Variants in ZDHHC21 observed in about 807,000 individuals in gnomAD.
ZDHHC21 encodes zDHHC palmitoyltransferase 21, also known as palmitoyltransferase ZDHHC21.
ZDHHC21 carries 15 observed loss-of-function variants against 34.6 expected under a neutral mutation model. The observed-to-expected ratio is 0.43, with a 90% CI of 0.29 to 0.67. The LOEUF (loss-of-function observed/expected upper bound fraction) is 0.67, where lower values mean the gene tolerates loss of function less well. Ranked by LOEUF, ZDHHC21 falls within the 30% of genes least tolerant of loss-of-function variation. ZDHHC21 has a pLI of 0.14. For missense variants in ZDHHC21, 344 were observed against 327.7 expected (o/e 1.05, Z -0.38); for synonymous variants, 142 against 101.8 (o/e 1.40, Z -2.38).
chr9:14,594,825 TATA>T, the ZDHHC21 span, among the ~76,000 whole-genome samples: 1 of 152,176 alleles, frequency 6.6e-6, no homozygotes, highest in African/African-American at 2.4e-5. Context: ...ACATAATTCT[TATA>T]ATAATAAGTA....
intron 2 of ZDHHC21, among the ~76,000 whole-genome samples, chr9:14,680,461 C>G (rs1483416795): frequency 6.6e-6 from 1 of 152,148 alleles, no homozygotes; most frequent in African/African-American, 2.4e-5. Flanking sequence ...CTTCATCACA[C>G]ACTTCCTTGA....
intron 8 of ZDHHC21, among the ~76,000 whole-genome samples, chr9:14,620,288 G>GT (rs1417690245): frequency 6.6e-6 from 1 of 151,272 alleles, no homozygotes; most frequent in Non-Finnish European, 1.5e-5. Context: ...ACACAAATAT[G>GT]TAAAAAAAAA....
At chr9:14,644,312 G>C (rs541067930) in intron 7 of ZDHHC21, among the ~76,000 whole-genome samples, 6 of 152,098 alleles carry the variant, frequency 3.9e-5, no homozygotes, top group African/African-American at 1.4e-4. Context: ...TCATCTATGT[G>C]TAATGACAGT....
At position 14,618,840 on chromosome 9, in the gene ZDHHC21, A is replaced by G; in HGVS notation, c.*126T>C. Reference sequence around the variant, plus strand: ...TCACTATTAAAATAAAGCCTGGGGCACATTATGATGCCTAAGACTGGTGGG... The same window carrying G: ...TCACTATTAAAATAAAGCCTGGGGCGCATTATGATGCCTAAGACTGGTGGG... On this transcript the variant is annotated 3_prime_UTR_variant, in exon 10 of 10. Coordinates refer to ENST00000380916, the MANE Select transcript of ZDHHC21 (RefSeq NM_178566.6). The G allele has an allele frequency of 9.7e-7, 1 of 1,028,702 alleles. No individual in the cohort carries two copies. 63.7% of individuals were successfully genotyped at this position (1,028,702 alleles called of 1,614,324 possible).
intron 7 of ZDHHC21, among the ~76,000 whole-genome samples, chr9:14,640,433 C>T (rs1426082145): frequency 6.6e-6 from 1 of 151,784 alleles, no homozygotes; most frequent in African/African-American, 2.4e-5. Context: ...TTTGAATACA[C>T]AGCATGATTC....
chr9:14,600,184 G>T, the ZDHHC21 span, among the ~76,000 whole-genome samples: 1 of 152,100 alleles, frequency 6.6e-6, no homozygotes, highest in African/African-American at 2.4e-5. Flanking sequence ...AGAAATAAAG[G>T]GTATTCAAAT....
chr9:14,659,348 T>G (rs1832936462), intron 6 of ZDHHC21, among the ~76,000 whole-genome samples: 1 of 152,320 alleles, frequency 6.6e-6, no homozygotes. Context: ...CATACCACTC[T>G]GACATAACTG....
At chr9:14,648,805 C>A (rs1830706702) in intron 7 of ZDHHC21, among the ~76,000 whole-genome samples, 1 of 151,980 alleles carries the variant, frequency 6.6e-6, no homozygotes, top group Non-Finnish European at 1.5e-5. Context: ...AATAAAAAAA[C>A]TGTGTTTTAC....
chr9:14,634,052 C>A (rs1057354425), intron 8 of ZDHHC21, among the ~76,000 whole-genome samples: 11 of 152,154 alleles, frequency 7.2e-5, no homozygotes, highest in African/African-American at 2.4e-4. Flanking sequence ...ACTCCAGTAC[C>A]CAAGCACACT....
At chr9:14,672,706 A>G (rs1329378430) in intron 5 of ZDHHC21, 124 bp downstream of exon 5, 2 of 632,876 alleles carry the variant, frequency 3.2e-6, no homozygotes, top group Non-Finnish European at 5.1e-6. Context: ...AGACACATAC[A>G]AGCAAAGACA....
intron 7 of ZDHHC21, among the ~76,000 whole-genome samples, chr9:14,644,505 T>TG (rs1452364242): frequency 6.6e-6 from 1 of 151,862 alleles, no homozygotes; most frequent in Non-Finnish European, 1.5e-5. Context: ...TGATTTTGTG[T>TG]GTTTTTTTTT....
chr9:14,677,322 A>C lies in ZDHHC21; in HGVS notation c.-46+2711T>G, dbSNP rs550285421. 19 of 152,130 alleles carry C rather than the reference A, an allele frequency of 1.2e-4. No individual in the cohort carries two copies. The South Asian group carries it at 1.5e-3, about 12-fold the overall frequency. The allele number at this position is 152,130 out of a possible 1,614,324, so 9.4% of individuals were successfully genotyped here. On this transcript the variant is annotated intron_variant, in intron 3 of 9. Transcript: ENST00000380916. ...CCTGATTGGTAAAACTTAGCTCCAC[A>C]TAATCCTCTCAATTGGGTCGTAGAA... is the stretch of plus-strand genomic sequence containing the variant.
chr9:14,659,641 T>A (rs1832981500), intron 6 of ZDHHC21, among the ~76,000 whole-genome samples: 2 of 152,348 alleles, frequency 1.3e-5, no homozygotes. Flanking sequence ...TGTTTTCATT[T>A]CAAAATAGTA....
rs1002048383 is a variant in ZDHHC21 at position 14,615,966 on chromosome 9, T to C, written c.*3000A>G. 4 of 151,610 alleles carry C rather than the reference T, an allele frequency of 2.6e-5. No homozygotes were observed. Among genetic ancestry groups the C allele is most frequent in the African/African-American group, 9.7e-5 (4 of 41,370 alleles). 9.4% of individuals were successfully genotyped at this position (151,610 alleles called of 1,614,324 possible). On this transcript the variant is annotated 3_prime_UTR_variant, in exon 10 of 10. Transcript: ENST00000380916. ...CAACACCTTTAGTTGTTTTCAGTTA[T>C]CCAGAATACATAAGAAATTGTTACT...
At chr9:14,684,025 T>A (rs1837850584) in intron 2 of ZDHHC21, among the ~76,000 whole-genome samples, 1 of 152,184 alleles carries the variant, frequency 6.6e-6, no homozygotes, top group African/African-American at 2.4e-5. Context: ...AAACTCTTAA[T>A]AAATTAGGTA....
At chr9:14,659,454 A>G (rs933207944) in intron 6 of ZDHHC21, among the ~76,000 whole-genome samples, 2 of 152,226 alleles carry the variant, frequency 1.3e-5, no homozygotes. Context: ...CTATACTTCC[A>G]CCAATACAAC....
At chr9:14,670,198 A>C (rs1208204261) in intron 5 of ZDHHC21, among the ~76,000 whole-genome samples, 1 of 152,128 alleles carries the variant, frequency 6.6e-6, no homozygotes, top group African/African-American at 2.4e-5. Flanking sequence ...ATTTCTGAGA[A>C]ATCAGCATAT....
At chr9:14,681,896 A>G (rs1837447156) in intron 2 of ZDHHC21, among the ~76,000 whole-genome samples, 1 of 152,146 alleles carries the variant, frequency 6.6e-6, no homozygotes, top group Admixed American at 6.6e-5. Flanking sequence ...CAACATTCCT[A>G]AAGAAAAGGA....
intron 2 of ZDHHC21, among the ~76,000 whole-genome samples, chr9:14,689,440 C>G (rs1359787817): frequency 2.0e-5 from 3 of 152,170 alleles, no homozygotes; most frequent in Non-Finnish European, 4.4e-5. Context: ...GACAAAGTGT[C>G]AAAGCATAAA....
Sources: allele counts gnomAD v4.1 joint callset (sites outside exome capture counted in the v4.1 genomes callset), GRCh38; gene constraint gnomAD v4.1.1; transcripts MANE v1.5; gene names NCBI Gene and HGNC (gene_info 2026-07-23, HGNC 2026-07-21).